RFESD: variants seen among roughly 807,000 people sequenced by gnomAD.
RFESD encodes the protein Rieske domain-containing protein.
A neutral mutation model predicts 24.4 loss-of-function variants in RFESD; 16 were observed. The observed-to-expected ratio is 0.66, with a 90% CI of 0.44 to 1.00. RFESD has a LOEUF of 1.00. RFESD is among the 50% of genes least tolerant of loss of function. The pLI, the probability that RFESD is intolerant of heterozygous loss-of-function variation, is 0.00. For synonymous variants in RFESD, 59 were observed against 81.8 expected, an observed-to-expected ratio of 0.72 and a Z score of 1.50; for missense variants, 208 against 247.0, an observed-to-expected ratio of 0.84 and a Z score of 1.06.
chr5:95,650,078 A>G (rs922286433), intron 1 of RFESD, among the ~76,000 whole-genome samples: 2 of 152,256 alleles, frequency 1.3e-5, no homozygotes, highest in Admixed American at 1.3e-4. Flanking sequence ...ATTCAGAGAT[A>G]GTATTCTTGC....
chr5:95,649,307 T>G (rs1435665298), intron 1 of RFESD, among the ~76,000 whole-genome samples: 3 of 152,220 alleles, frequency 2.0e-5, no homozygotes, highest in Non-Finnish European at 4.4e-5. Context: ...AATTTTTCAC[T>G]TGCAATTATG....
intron 5 of RFESD, 39 bp from the exon 6 acceptor site, chr5:95,656,007 G>T: frequency 6.3e-7 from 1 of 1,589,198 alleles, no homozygotes; most frequent in South Asian, 1.1e-5. Flanking sequence ...AAGAACATTT[G>T]ACATGTCAGA....
chr5:95,652,105 T>C (rs17084946), intron 1 of RFESD, 32 bp from the exon 2 acceptor site: 25,977 of 742,626 alleles, frequency 0.035, 597 homozygotes, highest in African/African-American at 0.076. Context: ...TTGGAATTTA[T>C]GTGGCCTCAT....
intron 2 of RFESD, 156 bp downstream of exon 2, chr5:95,652,487 T>C: frequency 1.1e-6 from 1 of 931,374 alleles, no homozygotes; most frequent in South Asian, 3.7e-5. Flanking sequence ...TATATAGCTC[T>C]TGATTTTCCA....
rs1750800505 is a variant in RFESD, at chr5:95,657,016, A to C, written c.*707A>C. The C allele has an allele frequency of 6.6e-6, 1 of 152,168 alleles. No homozygotes were observed. Among genetic ancestry groups the C allele is most frequent in the African/African-American group, 2.4e-5 (1 of 41,450 alleles). The allele number at this position is 152,168 out of a possible 1,614,324, so 9.4% of individuals were successfully genotyped here. On this transcript the variant is annotated 3_prime_UTR_variant, in exon 6 of 6. Transcript: ENST00000380005. ...GTTAAGTGATCTGTGATCAAGGCAG[A>C]TCTTGAAGTAAGGAAGCCAGACACA...
chr5:95,653,050 A>G, intron 2 of RFESD, 67 bp from the exon 3 acceptor site: 1 of 1,541,756 alleles, frequency 6.5e-7, no homozygotes, highest in Non-Finnish European at 8.7e-7. Flanking sequence ...ATTATGTTCC[A>G]GTCTTCTGGA....
chr5:95,654,497 A>G, intron 5 of RFESD, 130 bp downstream of exon 5: 1 of 674,426 alleles, frequency 1.5e-6, no homozygotes, highest in Non-Finnish European at 2.5e-6. Context: ...TCATAAGATA[A>G]ATGAGAAATA....
chr5:95,655,511 G>A (rs999115803), intron 5 of RFESD: 5 of 152,782 alleles, frequency 3.3e-5, no homozygotes, highest in African/African-American at 4.8e-5. Flanking sequence ...TTTAAACAGA[G>A]AGACATGCAT....
In RFESD at chr5:95,648,630, GC is replaced by G. The variant is rs556565460; in HGVS notation, c.-136+1814del. Among the ~76,000 whole-genome samples, 5 of 152,210 alleles carry G rather than the reference GC, an allele frequency of 3.3e-5. No individual in the cohort carries two copies. In the South Asian group the frequency reaches 1.0e-3, roughly 32 times the overall value. On this transcript the variant is annotated intron_variant, in intron 1 of 5. Coordinates refer to ENST00000380005, the MANE Select transcript of RFESD (RefSeq NM_001131066.2). ...GACATATAAAATTATACTTTTCTAA[GC>G]AAAATGCACAGCCATAATCATAGTT...
At chr5:95,649,983 A>T (rs952553332) in intron 1 of RFESD, among the ~76,000 whole-genome samples, 3 of 152,112 alleles carry the variant, frequency 2.0e-5, no homozygotes, top group Non-Finnish European at 4.4e-5. Flanking sequence ...TGAAGGCTGC[A>T]TGCCCAACTC....
chr5:95,652,836 A>G (rs1750437586), intron 2 of RFESD: 1 of 379,322 alleles, frequency 2.6e-6, no homozygotes, highest in Non-Finnish European at 4.7e-6. Flanking sequence ...CACCTTTTTC[A>G]TGGACCCCTA....
At chr5:95,649,397 T>G (rs1191580425) in intron 1 of RFESD, among the ~76,000 whole-genome samples, 3 of 152,340 alleles carry the variant, frequency 2.0e-5, no homozygotes, top group East Asian at 3.9e-4. Flanking sequence ...ACATACACAT[T>G]TTCCATTCTA....
At position 95,654,301 on chromosome 5, in the gene RFESD, G is replaced by T. The variant is rs369809963; in HGVS notation, c.335-32G>T. 4,299 of 1,609,078 alleles carry T rather than the reference G, an allele frequency of 2.7e-3. 9 individuals carry two copies. The highest frequency in any genetic ancestry group is 3.5e-3 in the Non-Finnish European group (4,089 of 1,176,736). ...AAACTATCAAAATTTCAGTTTTTTA[G>T]TGACTGCAGGTAATATTCAATTCCT... On this transcript the variant is annotated intron_variant, in intron 4 of 5. Coordinates refer to ENST00000380005, the MANE Select transcript of RFESD (RefSeq NM_001131066.2).
rs1387485524 is a variant in RFESD, at chr5:95,656,452, A to G, written c.*143A>G. The G allele has an allele frequency of 3.2e-6, 2 of 622,570 alleles. No individual in the cohort carries two copies. The highest frequency in any genetic ancestry group is 5.5e-5 in the East Asian group (2 of 36,502). The allele number at this position is 622,570 out of a possible 1,614,324, so 38.6% of individuals were successfully genotyped here. A position where few individuals can be genotyped will look rare whatever the true frequency, so the allele number is the denominator to read the frequency against. On this transcript the variant is annotated 3_prime_UTR_variant, in exon 6 of 6. Coordinates refer to ENST00000380005, the MANE Select transcript of RFESD (RefSeq NM_001131066.2). The stretch of plus-strand genomic sequence containing the variant: ...ACATACATTTGAGAGGTTTAAGAGC[A>G]CACATACTTAGTATGATGTAAGGAT...
intron 1 of RFESD, among the ~76,000 whole-genome samples, chr5:95,650,545 TTTACTC>T (rs1750268729): frequency 6.6e-6 from 1 of 152,208 alleles, no homozygotes; most frequent in East Asian, 1.9e-4. Flanking sequence ...TAACAGAGAT[TTTACTC>T]TTAATAATTT....
At chr5:95,652,955 C>T (rs1750446837) in intron 2 of RFESD, 162 bp from the exon 3 acceptor site, 2 of 930,068 alleles carry the variant, frequency 2.2e-6, no homozygotes, top group Admixed American at 3.0e-5. Context: ...GCTTTATACT[C>T]TTCAGTGGCT....
At position 95,656,213 on chromosome 5, in the gene RFESD, C is replaced by T. The variant is rs137960495; in HGVS notation, c.537C>T (p.Asn179=). 5.7e-5 allele frequency: 92 copies of T among 1,613,662 alleles called. No individual in the cohort carries two copies. Among genetic ancestry groups the T allele is most frequent in the South Asian group, 2.1e-4 (19 of 91,076 alleles). Reference sequence around the variant, plus strand: ...GGATTCACACAGTGACAGTAGACAACGGAAATATTTATGTGACTCTTTCTA... The same window carrying T: ...GGATTCACACAGTGACAGTAGACAATGGAAATATTTATGTGACTCTTTCTA... ...KQRIHTVTVD[N]GNIYVTLSNE... is the part of the protein sequence containing the mutation. The change falls in exon 6 of 6, where the codon AAC becomes AAT. Residue 179 remains asparagine (N), a synonymous_variant. Coordinates refer to ENST00000380005, the MANE Select transcript of RFESD (RefSeq NM_001131066.2).
intron 1 of RFESD, among the ~76,000 whole-genome samples, chr5:95,650,385 A>G (rs985086426): frequency 2.6e-5 from 4 of 152,218 alleles, no homozygotes; most frequent in African/African-American, 9.6e-5. Flanking sequence ...ATGCACAAAC[A>G]TGAACACACA....
rs566474792 is a variant in RFESD at position 95,654,739 on chromosome 5, A to G, written c.369+372A>G. ...CATTAAATTAATAAGGCAGATCTAT[A>G]TGGGTATGGAGAGATGTGAACAATG... On this transcript the variant is annotated intron_variant, in intron 5 of 5. Coordinates refer to ENST00000380005, the MANE Select transcript of RFESD (RefSeq NM_001131066.2). Among the ~76,000 whole-genome samples the G allele has an allele frequency of 1.4e-4, 22 of 152,306 alleles. No individual in the cohort carries two copies. In the East Asian group the frequency reaches 4.0e-3, roughly 28 times the overall value.
Sources: gnomAD v4.1 joint callset for allele counts (sites outside exome capture counted in the v4.1 genomes callset) on GRCh38, gnomAD v4.1.1 for gene constraint, MANE v1.5 for transcripts, NCBI Gene and HGNC (gene_info 2026-07-23, HGNC 2026-07-21) for gene names.